The following MYO16 variants were observed in gnomAD, a reference collection of about 807,000 sequenced individuals.
The protein encoded by MYO16 is unconventional myosin-XVI.
A neutral mutation model predicts 205.3 loss-of-function variants in MYO16; 94 were observed. The observed-to-expected ratio is 0.46, with a 90% CI of 0.39 to 0.54. The LOEUF is 0.54. Among genes scored for constraint, MYO16 ranks in the 20% least tolerant of loss-of-function variants. MYO16 has a pLI of 0.00. For missense variants in MYO16, 2,315 were observed against 2,387.5 expected (o/e 0.97, Z 0.63); for synonymous variants, 988 against 954.0 (o/e 1.04, Z -0.66).
chr13:108,875,441 T>G (rs1008265034), intron 12 of MYO16, among the ~76,000 whole-genome samples: 1 of 152,208 alleles, frequency 6.6e-6, no homozygotes, highest in Non-Finnish European at 1.5e-5. Context: ...ATTTCCATAA[T>G]TATATTATGT....
intron 21 of MYO16, among the ~76,000 whole-genome samples, chr13:109,001,196 A>G (rs1299191439): frequency 6.6e-6 from 1 of 150,596 alleles, no homozygotes; most frequent in Non-Finnish European, 1.5e-5. Flanking sequence ...AAAAAAAAAG[A>G]AAAGGAAGAG....
rs541313892 is a variant in MYO16, at chr13:108,758,423, T to C, written c.508-27212T>C. ...ACCAGTGACTTTTTATTGAAACATA[T>C]CTGTAAGAGATCACTGTTATCAGGA... On this transcript the variant is annotated intron_variant, in intron 4 of 34. Transcript: ENST00000457511. Among the ~76,000 whole-genome samples, 433 of 152,292 alleles carry C rather than the reference T, an allele frequency of 2.8e-3. 1 individual carries two copies. The highest frequency in any genetic ancestry group is 4.2e-3 in the Non-Finnish European group (288 of 68,022).
At chr13:108,738,122 T>C (rs1884770495) in intron 4 of MYO16, among the ~76,000 whole-genome samples, 1 of 152,200 alleles carries the variant, frequency 6.6e-6, no homozygotes, top group African/African-American at 2.4e-5. Context: ...ATTTTTTTTG[T>C]GTTTCTATCT....
chr13:108,931,947 G>GA (rs1336040482), intron 16 of MYO16, among the ~76,000 whole-genome samples: 11 of 152,080 alleles, frequency 7.2e-5, no homozygotes, highest in African/African-American at 2.7e-4. Flanking sequence ...ATTCCTTTTA[G>GA]AAACATGCTG....
At chr13:108,559,537 G>A in the MYO16 span, among the ~76,000 whole-genome samples, 1 of 135,370 alleles carries the variant, frequency 7.4e-6, no homozygotes, top group African/African-American at 2.8e-5. Context: ...GCAGTGGCGT[G>A]ATCTGGGCTC....
intron 16 of MYO16, among the ~76,000 whole-genome samples, chr13:108,912,641 T>G (rs868839428): frequency 6.6e-6 from 1 of 152,096 alleles, no homozygotes; most frequent in East Asian, 1.9e-4. Flanking sequence ...ATTTTCTACC[T>G]TGAACATCGC....
At chr13:109,091,449 T>A (rs1460055768) in intron 27 of MYO16, among the ~76,000 whole-genome samples, 1 of 152,210 alleles carries the variant, frequency 6.6e-6, no homozygotes, top group African/African-American at 2.4e-5. Context: ...ATTGGTCTTT[T>A]CTTTGATTGA....
At chr13:108,828,716 C>T (rs1395175967) in intron 9 of MYO16, among the ~76,000 whole-genome samples, 4 of 152,050 alleles carry the variant, frequency 2.6e-5, no homozygotes, top group South Asian at 2.1e-4. Context: ...AGGACAGGCT[C>T]GAGATGGAGT....
upstream of MYO16, among the ~76,000 whole-genome samples, chr13:108,626,686 T>C (rs55932358): frequency 0.29 from 44,012 of 151,304 alleles, 6,695 homozygotes; most frequent in South Asian, 0.4. Context: ...TGCCTGTAAT[T>C]CCAGCTACTT....
At chr13:108,875,993 A>G (rs1406901502) in intron 12 of MYO16, among the ~76,000 whole-genome samples, 1 of 121,466 alleles carries the variant, frequency 8.2e-6, no homozygotes, top group East Asian at 2.3e-4. Context: ...TTTACAAAAT[A>G]GAGAGTTGAA....
the MYO16 span, among the ~76,000 whole-genome samples, chr13:108,501,023 TG>T: frequency 2.6e-5 from 4 of 151,994 alleles, no homozygotes. Context: ...CCCTGTACAC[TG>T]GGCATGAGCT....
At chr13:108,930,414 T>C (rs1338948722) in intron 16 of MYO16, among the ~76,000 whole-genome samples, 1 of 152,172 alleles carries the variant, frequency 6.6e-6, no homozygotes, top group Non-Finnish European at 1.5e-5. Flanking sequence ...GATAGAGACA[T>C]AATTAAAACA....
chr13:109,157,260 A>G (rs987415053), intron 32 of MYO16, among the ~76,000 whole-genome samples: 1 of 120,090 alleles, frequency 8.3e-6, no homozygotes, highest in Non-Finnish European at 1.8e-5. Flanking sequence ...AAAAAAAAAA[A>G]AAAAAAAAAC....
chr13:109,049,918 C>G (rs2139600045), intron 24 of MYO16, among the ~76,000 whole-genome samples: 1 of 139,846 alleles, frequency 7.2e-6, no homozygotes, highest in South Asian at 2.4e-4. Flanking sequence ...CTCTTTCCTT[C>G]CTTTGTCCTG....
intron 34 of MYO16, among the ~76,000 whole-genome samples, chr13:109,197,938 T>C (rs1017354850): frequency 6.6e-6 from 1 of 152,190 alleles, no homozygotes; most frequent in East Asian, 1.9e-4. Context: ...ATTCATCAAG[T>C]TCCGTCAAGC....
intron 23 of MYO16, among the ~76,000 whole-genome samples, chr13:109,046,519 A>G (rs577850063): frequency 6.6e-6 from 1 of 152,304 alleles, no homozygotes; most frequent in Admixed American, 6.5e-5. Context: ...GAACTTTTTA[A>G]ATTAGGAGAC....
the MYO16 span, among the ~76,000 whole-genome samples, chr13:108,546,737 A>G: frequency 6.6e-6 from 1 of 152,054 alleles, no homozygotes; most frequent in Non-Finnish European, 1.5e-5. Context: ...GCAACACAGA[A>G]CCCCAAAGTG....
At chr13:108,969,483 C>T (rs943229060) in intron 20 of MYO16, among the ~76,000 whole-genome samples, 1 of 152,160 alleles carries the variant, frequency 6.6e-6, no homozygotes, top group Non-Finnish European at 1.5e-5. Context: ...ATGGATCTTC[C>T]ATTCCACTCT....
In MYO16 at chr13:108,941,846, C is replaced by G. The variant is rs541861758; in HGVS notation, c.1926-15842C>G. On this transcript the variant is annotated intron_variant, in intron 16 of 34. Transcript: ENST00000457511. ...GTGTTTGTTGTTGGTGTGAAAACCT[C>G]ACTGCAGCAATGAAAGTTCAAATTA... Among the ~76,000 whole-genome samples, 21 of 152,184 alleles carry G rather than the reference C, an allele frequency of 1.4e-4. No individual in the cohort carries two copies. In the South Asian group the frequency reaches 4.2e-3, roughly 30 times the overall value.
Sources: gnomAD v4.1 joint callset for allele counts (sites outside exome capture counted in the v4.1 genomes callset) on GRCh38, gnomAD v4.1.1 for gene constraint, MANE v1.5 for transcripts, NCBI Gene and HGNC (gene_info 2026-07-23, HGNC 2026-07-21) for gene names.